The following RAI14 variants were observed in gnomAD, a reference collection of about 807,000 sequenced individuals.
The protein encoded by RAI14 is ankycorbin.
RAI14 carries 45 observed loss-of-function variants against 115.4 expected under a neutral mutation model. That is an observed-to-expected ratio of 0.39 (90% CI 0.31 to 0.50). RAI14 has a LOEUF of 0.50. RAI14 is among the 20% of genes least tolerant of loss of function. The pLI is 0.85. For missense variants in RAI14, 939 were observed against 1,131.2 expected (o/e 0.83, Z 2.44); for synonymous variants, 371 against 415.4 (o/e 0.89, Z 1.30).
At chr5:34,660,262 G>A (rs945315549) in intron 1 of RAI14, among the ~76,000 whole-genome samples, 2 of 151,330 alleles carry the variant, frequency 1.3e-5, no homozygotes, top group South Asian at 2.1e-4. Flanking sequence ...GAGAAACCCC[G>A]TCTCTACTAA....
chr5:34,752,749 G>GTGTGTA lies in RAI14; in HGVS notation c.37-4718_37-4717insGTGTAT, dbSNP rs371462831. Among the ~76,000 whole-genome samples the GTGTGTA allele has an allele frequency of 1.3e-3, 138 of 107,042 alleles. 3 individuals are homozygous for GTGTGTA. The highest frequency in any genetic ancestry group is 9.8e-3 in the Middle Eastern group (2 of 204). 70.2% of individuals were successfully genotyped at this position (107,042 alleles called of 152,430 possible). ...TGTGTGTGTGTGTGTGTGTGTGTGT[G>GTGTGTA]TATATATATATATATATGTATCTTT... On this transcript the variant is annotated intron_variant, in intron 2 of 17. Coordinates refer to ENST00000265109, the MANE Select transcript of RAI14 (RefSeq NM_015577.3).
chr5:34,677,998 T>C (rs894197018), intron 1 of RAI14, among the ~76,000 whole-genome samples: 1 of 152,234 alleles, frequency 6.6e-6, no homozygotes, highest in Non-Finnish European at 1.5e-5. Context: ...CTCCTGCATC[T>C]TCCTATCACA....
chr5:34,668,977 C>G (rs957456629), intron 1 of RAI14, among the ~76,000 whole-genome samples: 36 of 152,272 alleles, frequency 2.4e-4, no homozygotes, highest in African/African-American at 7.9e-4. Context: ...CTGCTTCAGC[C>G]TCCTGAGTAG....
At chr5:34,813,550 T>G (rs771830723) in intron 10 of RAI14, 24 bp from the exon 11 acceptor site, 2 of 1,582,336 alleles carry the variant, frequency 1.3e-6, no homozygotes, top group Admixed American at 3.4e-5. Flanking sequence ...CCACCTCCAT[T>G]CTTTGGACTG....
intron 1 of RAI14, among the ~76,000 whole-genome samples, chr5:34,661,290 A>T (rs1423657561): frequency 1.3e-5 from 2 of 152,150 alleles, no homozygotes; most frequent in Non-Finnish European, 2.9e-5. Context: ...TATAATTTAT[A>T]TCAGTATTCT....
At chr5:34,783,320 C>T (rs191665629) in intron 3 of RAI14, among the ~76,000 whole-genome samples, 259 of 152,286 alleles carry the variant, frequency 1.7e-3, no homozygotes, top group African/African-American at 6.0e-3. Context: ...GGGTCCTCCT[C>T]AGCGTCAGTC....
chr5:34,807,396 T>G (rs1003072501), intron 5 of RAI14, among the ~76,000 whole-genome samples: 2 of 151,766 alleles, frequency 1.3e-5, no homozygotes, highest in Non-Finnish European at 2.9e-5. Flanking sequence ...ACTGCAGTGG[T>G]TTTGGGAGTG....
chr5:34,756,495 C>T (rs563163439), intron 2 of RAI14, among the ~76,000 whole-genome samples: 8 of 152,260 alleles, frequency 5.3e-5, no homozygotes, highest in African/African-American at 9.6e-5. Flanking sequence ...AGGGGCCGGG[C>T]GCAGGAGACG....
At chr5:34,732,351 G>A (rs6894424) in intron 2 of RAI14, among the ~76,000 whole-genome samples, 10,661 of 152,088 alleles carry the variant, frequency 0.07, 421 homozygotes, top group Middle Eastern at 0.2. Flanking sequence ...CAGAGTCACT[G>A]TCACTAATTT....
At chr5:34,774,336 C>T (rs1750569308) in intron 3 of RAI14, among the ~76,000 whole-genome samples, 1 of 151,932 alleles carries the variant, frequency 6.6e-6, no homozygotes, top group African/African-American at 2.4e-5. Context: ...GCACCATTGC[C>T]CTCTAGCCTT....
At chr5:34,710,151 A>G (rs1452278079) in intron 2 of RAI14, among the ~76,000 whole-genome samples, 2 of 152,204 alleles carry the variant, frequency 1.3e-5, no homozygotes, top group Non-Finnish European at 2.9e-5. Flanking sequence ...GGCGGCTTAG[A>G]ACAACTGAAG....
intron 2 of RAI14, among the ~76,000 whole-genome samples, chr5:34,704,379 A>G (rs1740429459): frequency 6.6e-6 from 1 of 152,214 alleles, no homozygotes. Flanking sequence ...CCAGATAGTC[A>G]GTATCCTTAA....
At chr5:34,725,634 A>G (rs931779172) in intron 2 of RAI14, among the ~76,000 whole-genome samples, 1 of 152,028 alleles carries the variant, frequency 6.6e-6, no homozygotes, top group African/African-American at 2.4e-5. Flanking sequence ...CTAACTGAAC[A>G]TGAAGAATAC....
intron 7 of RAI14, among the ~76,000 whole-genome samples, chr5:34,809,030 C>T (rs1460236770): frequency 6.6e-5 from 10 of 152,166 alleles, no homozygotes; most frequent in Admixed American, 6.5e-4. Flanking sequence ...TGATCTGCAG[C>T]CCCTGGGTTG....
intron 2 of RAI14, among the ~76,000 whole-genome samples, chr5:34,700,107 G>A (rs1739863890): frequency 6.6e-6 from 1 of 152,116 alleles, no homozygotes. Flanking sequence ...ACTTCAGGTA[G>A]GTATGTTTTA....
Position 34,824,502 on chromosome 5 carries a change from C to T in RAI14, c.2649+11C>T, listed in dbSNP as rs1270504040. 1.9e-6 allele frequency: 3 copies of T among 1,542,422 alleles called. No homozygotes were observed. Among genetic ancestry groups the T allele is most frequent in the Admixed American group, 4.1e-5 (2 of 49,132 alleles). On this transcript the variant is annotated intron_variant, in intron 15 of 17. Coordinates refer to ENST00000265109, the MANE Select transcript of RAI14 (RefSeq NM_015577.3). ...GATAAAGATAAAAAGGTTGGTGAAACTGTATTGCTGTTGGGTTTCTAGCAA... is the reference window on the plus strand; with the variant it reads ...GATAAAGATAAAAAGGTTGGTGAAATTGTATTGCTGTTGGGTTTCTAGCAA...
chr5:34,807,911 C>T, intron 6 of RAI14, 54 bp downstream of exon 6: 2 of 1,421,768 alleles, frequency 1.4e-6, no homozygotes, highest in East Asian at 2.3e-5. Flanking sequence ...ACCAACTTTT[C>T]TTTTTCCTTA....
intron 2 of RAI14, among the ~76,000 whole-genome samples, chr5:34,696,497 C>T (rs561495014): frequency 6.6e-6 from 1 of 152,308 alleles, no homozygotes; most frequent in South Asian, 2.1e-4. Flanking sequence ...TCACAGGGAA[C>T]TGGTTAGAGC....
intron 14 of RAI14, 100 bp downstream of exon 14, chr5:34,821,950 C>A (rs911741188): frequency 1.5e-5 from 9 of 597,012 alleles, no homozygotes; most frequent in Non-Finnish European, 2.6e-5. Context: ...ACATTAGTTT[C>A]TTTTTAAATA....
Sources: gnomAD v4.1 joint callset for allele counts (sites outside exome capture counted in the v4.1 genomes callset) on GRCh38, gnomAD v4.1.1 for gene constraint, MANE v1.5 for transcripts, NCBI Gene and HGNC (gene_info 2026-07-23, HGNC 2026-07-21) for gene names.